GSR: variants seen among roughly 807,000 people sequenced by gnomAD.
The protein encoded by GSR is glutathione reductase, mitochondrial.
In GSR, 48 loss-of-function variants were observed where a neutral mutation model predicts 56.5. That is an observed-to-expected ratio of 0.85 (90% CI 0.67 to 1.08). The LOEUF (loss-of-function observed/expected upper bound fraction) is 1.08, where lower values mean the gene tolerates loss of function less well. Ranked by LOEUF, GSR falls within the 50% of genes least tolerant of loss-of-function variation. The pLI is 0.00. For missense variants in GSR, 694 were observed against 703.3 expected (o/e 0.99, Z 0.15); for synonymous variants, 264 against 270.8 (o/e 0.97, Z 0.25).
intron 7 of GSR, among the ~76,000 whole-genome samples, chr8:30,694,988 G>C (rs1189616472): frequency 6.6e-6 from 1 of 151,398 alleles, no homozygotes; most frequent in Non-Finnish European, 1.5e-5. Flanking sequence ...AAAATCCTAT[G>C]AGCTCAGAAG....
At chr8:30,702,751 A>G (rs540478622) in intron 5 of GSR, among the ~76,000 whole-genome samples, 82 of 152,318 alleles carry the variant, frequency 5.4e-4, no homozygotes, top group Non-Finnish European at 1.0e-3. Flanking sequence ...AGCCTGGCCA[A>G]TATGATGAAA....
intron 4 of GSR, among the ~76,000 whole-genome samples, chr8:30,704,154 A>G (rs1307173343): frequency 6.6e-6 from 1 of 151,968 alleles, no homozygotes; most frequent in Non-Finnish European, 1.5e-5. Flanking sequence ...GAGAAACCCC[A>G]TCTCTACTAA....
intron 6 of GSR, among the ~76,000 whole-genome samples, chr8:30,699,384 G>A (rs992293628): frequency 2.6e-5 from 4 of 151,740 alleles, no homozygotes; most frequent in African/African-American, 7.3e-5. Flanking sequence ...TGAGGCGGGC[G>A]GATCACCTGA....
At chr8:30,721,982 T>A (rs2472220) in intron 1 of GSR, among the ~76,000 whole-genome samples, 1 of 151,222 alleles carries the variant, frequency 6.6e-6, no homozygotes, top group African/African-American at 2.4e-5. Context: ...TACCACTACA[T>A]TCCAGCCTGG....
chr8:30,678,340 A>AATATATAT lies in GSR; in HGVS notation c.*1172_*1179dup, dbSNP rs1177002282. On this transcript the variant is annotated 3_prime_UTR_variant, in exon 13 of 13. Coordinates refer to ENST00000221130, the MANE Select transcript of GSR (RefSeq NM_000637.5). Reference sequence around the variant, plus strand: ...TTGATGCACTTCACCTCATAAAAATAATATATATATATATATATATTTTTT... The same window carrying AATATATAT: ...TTGATGCACTTCACCTCATAAAAATAATATATATATATATATATATATATATATTTTTT... 7.5e-6 allele frequency: 1 copy of AATATATAT among 132,864 alleles called. No homozygotes were observed. The highest frequency in any genetic ancestry group is 2.8e-5 in the African/African-American group (1 of 35,334). The allele number at this position is 132,864 out of a possible 1,614,324, so 8.2% of individuals were successfully genotyped here. A position where few individuals can be genotyped will look rare whatever the true frequency, so the allele number is the denominator to read the frequency against.
At chr8:30,688,915 C>G (rs1368110061) in intron 9 of GSR, among the ~76,000 whole-genome samples, 1 of 151,396 alleles carries the variant, frequency 6.6e-6, no homozygotes, top group Non-Finnish European at 1.5e-5. Context: ...AGAGCAAGAC[C>G]TTTCTCAAAA....
chr8:30,693,416 T>C lies in GSR; in HGVS notation c.796-361A>G, dbSNP rs140632621. On this transcript the variant is annotated intron_variant, in intron 7 of 12. Transcript: ENST00000221130. ...TGATATGATTGAAGGGAAGATTTAC[T>C]AGCAAAATCTTGTCTAGCCATAAAT... Among the ~76,000 whole-genome samples the C allele has an allele frequency of 3.7e-3, 560 of 152,316 alleles. 3 individuals carry two copies. The highest frequency in any genetic ancestry group is 0.013 in the African/African-American group (524 of 41,568).
At chr8:30,681,179 C>T (rs1372779854) in intron 11 of GSR, 142 bp from the exon 12 acceptor site, 2 of 744,926 alleles carry the variant, frequency 2.7e-6, no homozygotes, top group Admixed American at 2.1e-5. Flanking sequence ...AAGTATTCTA[C>T]AAAATAAATG....
chr8:30,694,661 G>C (rs953975298), intron 7 of GSR, among the ~76,000 whole-genome samples: 6 of 151,666 alleles, frequency 4.0e-5, no homozygotes, highest in Non-Finnish European at 7.4e-5. Context: ...GGTGGCGCAT[G>C]CCTGTAATCC....
chr8:30,680,594 C>G (rs1802917760), intron 12 of GSR, among the ~76,000 whole-genome samples: 2 of 151,870 alleles, frequency 1.3e-5, no homozygotes, highest in Non-Finnish European at 2.9e-5. Flanking sequence ...AGGGTTTCAC[C>G]ACGTTGGTCA....
chr8:30,700,723 CAAAAAAAAAAAAA>C lies in GSR; in HGVS notation c.641-601_641-589del, dbSNP rs55702917. Among the ~76,000 whole-genome samples the C allele has an allele frequency of 7.5e-5, 6 of 80,054 alleles. No homozygotes were observed. In the East Asian group the frequency reaches 1.4e-3, roughly 19 times the overall value. 52.5% of individuals were successfully genotyped at this position (80,054 alleles called of 152,430 possible). ...TGGGAACAGAGCAAGATTTTGTCTC[CAAAAAAAAAAAAA>C]AAAAAAAAAAAAAATCGACGTGGCC... is the stretch of plus-strand genomic sequence containing the variant. On this transcript the variant is annotated intron_variant, in intron 5 of 12. Coordinates refer to ENST00000221130, the MANE Select transcript of GSR (RefSeq NM_000637.5).
chr8:30,715,548 C>G (rs944322568), intron 1 of GSR, among the ~76,000 whole-genome samples: 1 of 152,118 alleles, frequency 6.6e-6, no homozygotes, highest in Non-Finnish European at 1.5e-5. Context: ...TCCAACCTGC[C>G]TTTTCCAGTT....
Position 30,693,838 on chromosome 8 carries a change from C to A in GSR, c.796-783G>T, listed in dbSNP as rs527243834. The stretch of plus-strand genomic sequence containing the variant: ...GCCACCATGCCCACCCACAGAGTAG[C>A]TCTAAAATGGAGTTAACACTGGGAA... On this transcript the variant is annotated intron_variant, in intron 7 of 12. Coordinates refer to ENST00000221130, the MANE Select transcript of GSR (RefSeq NM_000637.5). 3.2e-4 allele frequency among the ~76,000 whole-genome samples: 48 copies of A among 152,136 alleles called. 1 individual carries two copies. Among genetic ancestry groups the A allele is most frequent in the African/African-American group, 1.1e-3 (47 of 41,536 alleles).
At chr8:30,686,246 C>A (rs531894564) in intron 9 of GSR, among the ~76,000 whole-genome samples, 1 of 152,032 alleles carries the variant, frequency 6.6e-6, no homozygotes. Flanking sequence ...CTTCCTTATA[C>A]CTTGCCGGTT....
chr8:30,709,833 C>T lies in GSR; in HGVS notation c.403G>A (p.Glu135Lys). The T allele has an allele frequency of 1.3e-6, 2 of 1,579,984 alleles. No individual in the cohort carries two copies. The highest frequency in any genetic ancestry group is 1.7e-6 in the Non-Finnish European group (2 of 1,150,864). Residue 135 changes from glutamate to lysine, a missense_variant, in exon 3 of 13, where the codon GAG (glutamate) becomes AAG (lysine). Glu to Lys is a moderately conservative substitution (Grantham distance 56). Coordinates refer to ENST00000221130, the MANE Select transcript of GSR (RefSeq NM_000637.5). ...ACTTACCGCCAATTGAATTTACCCTCACAACTTGGAAAGCCATAATCAGCA... is the reference window on the plus strand; with the variant it reads ...ACTTACCGCCAATTGAATTTACCCTTACAACTTGGAAAGCCATAATCAGCA... ...DHADYGFPSCEGKFNWRVIKE... is the reference protein window; with the variant it reads ...DHADYGFPSCKGKFNWRVIKE...
intron 1 of GSR, among the ~76,000 whole-genome samples, chr8:30,715,890 T>A (rs2113525): frequency 0.88 from 133,939 of 152,266 alleles, 59,462 homozygotes; most frequent in Non-Finnish European, 0.94. Context: ...ATATGTTTTT[T>A]AAAAAAGTTT....
At position 30,699,944 on chromosome 8, in the gene GSR, G is replaced by C. The variant is rs890858784; in HGVS notation, c.695+137C>G. The C allele has an allele frequency of 5.6e-5, 43 of 766,862 alleles. No individual in the cohort carries two copies. In the African/African-American group the frequency reaches 7.1e-4, roughly 13 times the overall value. 47.5% of individuals were successfully genotyped at this position (766,862 alleles called of 1,614,324 possible). A position where few individuals can be genotyped will look rare whatever the true frequency, so the allele number is the denominator to read the frequency against. ...GAGTTCTAGGAATGAGATATACAAG[G>C]TCATGAAAAGAGAAGCTGTAAGAGG... On this transcript the variant is annotated intron_variant, in intron 6 of 12. Transcript: ENST00000221130.
intron 1 of GSR, among the ~76,000 whole-genome samples, chr8:30,725,796 T>C (rs1804703094): frequency 6.8e-6 from 1 of 147,524 alleles, no homozygotes; most frequent in Non-Finnish European, 1.5e-5. Context: ...ACGGGAGAAC[T>C]GCTTGAACCT....
chr8:30,681,858 A>C, intron 11 of GSR, 72 bp downstream of exon 11: 2 of 1,395,734 alleles, frequency 1.4e-6, no homozygotes, highest in Non-Finnish European at 2.0e-6. Context: ...GCTGACAGAG[A>C]CCTAATTTAA....
Sources: gnomAD v4.1 joint callset for allele counts (sites outside exome capture counted in the v4.1 genomes callset) on GRCh38, gnomAD v4.1.1 for gene constraint, MANE v1.5 for transcripts, NCBI Gene and HGNC (gene_info 2026-07-23, HGNC 2026-07-21) for gene names.